CCDC6: variants seen among roughly 807,000 people sequenced by gnomAD.
The protein encoded by CCDC6 is coiled-coil domain containing 6, also known as coiled-coil domain-containing protein 6.
Under a neutral mutation model 56.6 loss-of-function variants are expected in CCDC6, and 20 were observed. The ratio of observed to expected loss-of-function variants is 0.35; its 90% CI spans 0.25 to 0.51. The LOEUF is 0.51. Among genes scored for constraint, CCDC6 ranks in the 20% least tolerant of loss-of-function variants. The pLI is 0.95. For synonymous variants in CCDC6, 241 were observed against 234.4 expected (o/e 1.03, Z -0.26); for missense variants, 367 against 601.1 (o/e 0.61, Z 4.07).
At chr10:59,810,221 T>C (rs1283095167) in intron 5 of CCDC6, among the ~76,000 whole-genome samples, 1 of 152,186 alleles carries the variant, frequency 6.6e-6, no homozygotes, top group Non-Finnish European at 1.5e-5. Flanking sequence ...TCATCTAACC[T>C]AAGGAGAATG....
intron 3 of CCDC6, among the ~76,000 whole-genome samples, chr10:59,825,482 T>C (rs946681609): frequency 2.0e-5 from 3 of 152,178 alleles, no homozygotes; most frequent in Non-Finnish European, 4.4e-5. Flanking sequence ...TATGTCTTCA[T>C]CAGCAGCGTG....
At chr10:59,823,270 C>G (rs2070761371) in intron 3 of CCDC6, among the ~76,000 whole-genome samples, 1 of 152,224 alleles carries the variant, frequency 6.6e-6, no homozygotes, top group Non-Finnish European at 1.5e-5. Flanking sequence ...GCCCACTGAA[C>G]TCTTAACACT....
At chr10:59,888,376 G>C (rs145659964) in intron 1 of CCDC6, among the ~76,000 whole-genome samples, 2 of 152,346 alleles carry the variant, frequency 1.3e-5, no homozygotes, top group Non-Finnish European at 2.9e-5. Flanking sequence ...TCACACAGGT[G>C]AAGTGGTGAC....
chr10:59,864,728 G>T (rs1193501626), intron 1 of CCDC6, among the ~76,000 whole-genome samples: 3 of 152,158 alleles, frequency 2.0e-5, no homozygotes, highest in Non-Finnish European at 1.5e-5. Context: ...GCATTCAGGG[G>T]GAGGTTCAGC....
At chr10:59,839,042 G>A (rs77432251) in intron 2 of CCDC6, among the ~76,000 whole-genome samples, 2,508 of 152,282 alleles carry the variant, frequency 0.016, 30 homozygotes, top group Middle Eastern at 0.044. Flanking sequence ...GCTTCAGGGC[G>A]ATTACTACGT....
At position 59,794,414 on chromosome 10, in the gene CCDC6, A is replaced by T. The variant is rs2070495396; in HGVS notation, c.1230+59T>A. The stretch of plus-strand genomic sequence containing the variant: ...AAGGGCACCGATCCTGTTCTCCAGA[A>T]CACCAGTCGGTACCACTTTCAGGAG... On this transcript the variant is annotated intron_variant, in intron 8 of 8. Transcript: ENST00000263102. 2.5e-6 allele frequency: 4 copies of T among 1,584,928 alleles called. No homozygotes were observed. In the South Asian group the frequency reaches 4.5e-5, roughly 18 times the overall value.
At chr10:59,852,892 T>C (rs1270675663) in intron 1 of CCDC6, among the ~76,000 whole-genome samples, 190 bp from the exon 2 acceptor site, 1 of 152,206 alleles carries the variant, frequency 6.6e-6, no homozygotes, top group Non-Finnish European at 1.5e-5. Flanking sequence ...CAGAAATGAA[T>C]ATCACTATTA....
rs373281974 is a variant in CCDC6 at position 59,876,453 on chromosome 10, T to C, written c.304-23751A>G. Among the ~76,000 whole-genome samples, 9 of 152,048 alleles carry C rather than the reference T, an allele frequency of 5.9e-5. No homozygotes were observed. The South Asian group carries it at 1.7e-3, about 28-fold the overall frequency. On this transcript the variant is annotated intron_variant, in intron 1 of 8. Coordinates refer to ENST00000263102, the MANE Select transcript of CCDC6 (RefSeq NM_005436.5). ...TCTGTCACCGTAAAAGTTTCTAACA[T>C]TTTTGAAAAGGCTCCCTTACCCAGA...
At chr10:59,846,046 T>G (rs2070988594) in intron 2 of CCDC6, among the ~76,000 whole-genome samples, 1 of 152,182 alleles carries the variant, frequency 6.6e-6, no homozygotes, top group Admixed American at 6.5e-5. Flanking sequence ...AGAGGATGCT[T>G]CAGATTCTAG....
rs1203591390 is a variant in CCDC6, at chr10:59,862,514, TATACACACAC to T, written c.304-9822_304-9813del. Among the ~76,000 whole-genome samples the T allele has an allele frequency of 7.7e-4, 56 of 73,046 alleles. 4 individuals carry two copies. Among genetic ancestry groups the T allele is most frequent in the African/African-American group, 4.5e-3 (55 of 12,304 alleles). 47.9% of individuals were successfully genotyped at this position (73,046 alleles called of 152,430 possible). A position where few individuals can be genotyped will look rare whatever the true frequency, so the allele number is the denominator to read the frequency against. ...AGAAAAAAAAAAGTATATATATATA[TATACACACAC>T]ACACACACACACACACACACACACA... On this transcript the variant is annotated intron_variant, in intron 1 of 8. Transcript: ENST00000263102.
chr10:59,825,393 C>A (rs1310325950), intron 3 of CCDC6, among the ~76,000 whole-genome samples: 1 of 152,218 alleles, frequency 6.6e-6, no homozygotes, highest in Non-Finnish European at 1.5e-5. Flanking sequence ...TTGCCTTCTG[C>A]CATGATTGTG....
At chr10:59,798,074 T>C (rs1053560490) in intron 7 of CCDC6, among the ~76,000 whole-genome samples, 1 of 152,206 alleles carries the variant, frequency 6.6e-6, no homozygotes, top group African/African-American at 2.4e-5. Flanking sequence ...ACTGCACAAA[T>C]GTGGCTAGCT....
chr10:59,809,035 A>G (rs2070651307), intron 5 of CCDC6, among the ~76,000 whole-genome samples: 1 of 152,212 alleles, frequency 6.6e-6, no homozygotes. Flanking sequence ...TGCTGGGAAA[A>G]TATTTACAAA....
In CCDC6 at chr10:59,789,897, GA is replaced by G. The variant is rs2070453273; in HGVS notation, c.*3019del. The G allele has an allele frequency of 6.6e-6, 1 of 150,784 alleles. No individual in the cohort carries two copies. 9.3% of individuals were successfully genotyped at this position (150,784 alleles called of 1,614,324 possible). On this transcript the variant is annotated 3_prime_UTR_variant, in exon 9 of 9. Transcript: ENST00000263102. ...TTCACATTATCAATTATTTCTGGTT[GA>G]ATTCTGTTAGAAGCCAATTACAAAG...
intron 7 of CCDC6, among the ~76,000 whole-genome samples, chr10:59,803,076 G>A (rs552015342): frequency 3.3e-5 from 5 of 152,294 alleles, no homozygotes; most frequent in Non-Finnish European, 7.4e-5. Flanking sequence ...AAATTGAGAG[G>A]CAGCTAGAAG....
intron 2 of CCDC6, among the ~76,000 whole-genome samples, chr10:59,843,743 T>C (rs560515359): frequency 1.3e-5 from 2 of 152,216 alleles, no homozygotes; most frequent in African/African-American, 2.4e-5. Context: ...CTAAGCACCA[T>C]AAGTCTGGGT....
At chr10:59,840,116 G>A (rs2132648666) in intron 2 of CCDC6, among the ~76,000 whole-genome samples, 1 of 152,238 alleles carries the variant, frequency 6.6e-6, no homozygotes, top group South Asian at 2.1e-4. Flanking sequence ...GAGCCACCAT[G>A]CCTGGCCATT....
At chr10:59,886,285 T>A (rs1042980697) in intron 1 of CCDC6, among the ~76,000 whole-genome samples, 4 of 152,158 alleles carry the variant, frequency 2.6e-5, no homozygotes, top group Non-Finnish European at 5.9e-5. Flanking sequence ...AGAAGGAGGC[T>A]ACAATAATAG....
At chr10:59,793,550 G>A (rs994796661) in intron 8 of CCDC6, among the ~76,000 whole-genome samples, 5 of 152,218 alleles carry the variant, frequency 3.3e-5, no homozygotes, top group Admixed American at 3.3e-4. Context: ...TTAGGAGGTA[G>A]AGGTGGGTGG....
Sources: gnomAD v4.1 joint callset for allele counts (sites outside exome capture counted in the v4.1 genomes callset) on GRCh38, gnomAD v4.1.1 for gene constraint, MANE v1.5 for transcripts, NCBI Gene and HGNC (gene_info 2026-07-23, HGNC 2026-07-21) for gene names.